TMBIM6: variants seen among roughly 807,000 people sequenced by gnomAD.
TMBIM6 encodes the protein transmembrane BAX inhibitor motif containing 6, also known as bax inhibitor 1.
A neutral mutation model predicts 31.4 loss-of-function variants in TMBIM6; 13 were observed. That is an observed-to-expected ratio of 0.41 (90% CI 0.27 to 0.66). The LOEUF (loss-of-function observed/expected upper bound fraction) is 0.66. Ranked by LOEUF, TMBIM6 falls within the 30% of genes least tolerant of loss-of-function variation. TMBIM6 has a pLI of 0.28. For missense variants in TMBIM6, 275 were observed against 289.5 expected (o/e 0.95, Z 0.36); for synonymous variants, 85 against 101.7 (o/e 0.84, Z 0.99).
In TMBIM6 at chr12:49,762,900, G is replaced by C; in HGVS notation, c.*4G>C. Reference sequence around the variant, plus strand: ...TAAGAAGAAAGAGAAGAAATGAAGTGACCATCCAGCCTTTCCCAATTAGAC... The same window carrying C: ...TAAGAAGAAAGAGAAGAAATGAAGTCACCATCCAGCCTTTCCCAATTAGAC... On this transcript the variant is annotated 3_prime_UTR_variant, in exon 10 of 10. Coordinates refer to ENST00000267115, the MANE Select transcript of TMBIM6 (RefSeq NM_003217.3). The C allele has an allele frequency of 6.2e-7, 1 of 1,612,512 alleles. No homozygotes were observed. Among genetic ancestry groups the C allele is most frequent in the Non-Finnish European group, 8.5e-7 (1 of 1,178,772 alleles).
intron 4 of TMBIM6, 71 bp downstream of exon 4, chr12:49,755,826 C>G (rs569386546): frequency 7.6e-5 from 115 of 1,522,926 alleles, no homozygotes; most frequent in African/African-American, 6.1e-4. Flanking sequence ...AGTTCCCCCC[C>G]CTTTTTTTTT....
At chr12:49,748,053 G>A (rs375773050) in intron 1 of TMBIM6, among the ~76,000 whole-genome samples, 51 of 152,126 alleles carry the variant, frequency 3.4e-4, no homozygotes, top group African/African-American at 1.1e-3. Context: ...ATAGGTGCCC[G>A]CCATCACGCC....
chr12:49,756,189 G>A (rs527537387), intron 4 of TMBIM6, among the ~76,000 whole-genome samples: 1 of 152,064 alleles, frequency 6.6e-6, no homozygotes, highest in African/African-American at 2.4e-5. Flanking sequence ...GCTAGAGAGT[G>A]CAGTGGCGTG....
At chr12:49,756,743 T>G (rs982029063) in intron 4 of TMBIM6, among the ~76,000 whole-genome samples, 14 of 126,770 alleles carry the variant, frequency 1.1e-4, no homozygotes, top group African/African-American at 3.6e-4. Context: ...TGTTTTTTTG[T>G]TTTTTTTTTT....
chr12:49,744,073 A>T (rs1215154717), intron 1 of TMBIM6, among the ~76,000 whole-genome samples: 1 of 152,202 alleles, frequency 6.6e-6, no homozygotes, highest in African/African-American at 2.4e-5. Flanking sequence ...TGCCACTATT[A>T]CATTGCCTTT....
At chr12:49,742,474 C>T in intron 1 of TMBIM6, 1 of 671,310 alleles carries the variant, frequency 1.5e-6, no homozygotes, top group South Asian at 2.7e-5. Context: ...TGCTTGGGGT[C>T]ATCAGCCTTT....
At chr12:49,747,930 G>A (rs1945425846) in intron 1 of TMBIM6, among the ~76,000 whole-genome samples, 1 of 152,086 alleles carries the variant, frequency 6.6e-6, no homozygotes, top group Non-Finnish European at 1.5e-5. Context: ...TTTACACGTA[G>A]TCTCGCACTG....
chr12:49,758,410 G>A lies in TMBIM6; in HGVS notation c.363G>A (p.Thr121=), dbSNP rs4563. 0.12 allele frequency: 190,883 copies of A among 1,613,822 alleles called. 17,134 individuals carry two copies. Among genetic ancestry groups the A allele is most frequent in the African/African-American group, 0.49 (36,843 of 74,902 alleles). The change falls in exon 6 of 10, where the codon ACG becomes ACA. Residue 121 remains threonine (T), a synonymous_variant. Coordinates refer to ENST00000267115, the MANE Select transcript of TMBIM6 (RefSeq NM_003217.3). ...TCCTTCCCACTGCTTTCATGGGCAC[G>A]GCAATGATCTTTACCTGCTTCACCC... ...PSILPTAFMG[T]AMIFTCFTLS...
chr12:49,764,139 C>G lies in TMBIM6; in HGVS notation c.*1243C>G, dbSNP rs550446144. The G allele has an allele frequency of 1.3e-5, 2 of 152,178 alleles. No individual in the cohort carries two copies. Among genetic ancestry groups the G allele is most frequent in the Non-Finnish European group, 2.9e-5 (2 of 68,050 alleles). 9.4% of individuals were successfully genotyped at this position (152,178 alleles called of 1,614,324 possible). On this transcript the variant is annotated 3_prime_UTR_variant, in exon 10 of 10. Transcript: ENST00000267115. ...AAACCAGTGAGAGCCCCAATCCCTG[C>G]AGTTTTGTGGCTTCAAGTGTGGGTG...
intron 4 of TMBIM6, among the ~76,000 whole-genome samples, chr12:49,756,209 C>A (rs1355904884): frequency 6.6e-6 from 1 of 152,006 alleles, no homozygotes; most frequent in African/African-American, 2.4e-5. Context: ...GATCTTGGCT[C>A]ACTGCAAACT....
chr12:49,750,304 G>A (rs1394960770), intron 1 of TMBIM6, among the ~76,000 whole-genome samples: 2 of 152,136 alleles, frequency 1.3e-5, no homozygotes, highest in Admixed American at 6.5e-5. Flanking sequence ...GATCCACCCC[G>A]CTCCATCCCT....
intron 1 of TMBIM6, among the ~76,000 whole-genome samples, chr12:49,748,204 T>G (rs1229156199): frequency 6.7e-6 from 1 of 148,734 alleles, no homozygotes; most frequent in East Asian, 2.0e-4. Flanking sequence ...ACCCAGCCTG[T>G]TTTTTTTTTG....
chr12:49,759,065 G>A (rs1204292938), intron 7 of TMBIM6, 156 bp from the exon 8 acceptor site: 2 of 664,580 alleles, frequency 3.0e-6, no homozygotes, highest in African/African-American at 3.6e-5. Flanking sequence ...GGGAAGTAAA[G>A]TGGTCTTCAC....
chr12:49,752,984 C>T lies in TMBIM6; in HGVS notation c.68C>T (p.Thr23Met), dbSNP rs752508710. 3 of 1,613,710 alleles carry T rather than the reference C, an allele frequency of 1.9e-6. No homozygotes were observed. The highest frequency in any genetic ancestry group is 1.3e-5 in the African/African-American group (1 of 74,880). ...LLKFSHITPS[T>M]QQHLKKVYAS... ...CATTCTTTTCTTAGAACCCCGTCAA[C>T]GCAGCAGCACCTGAAGAAGGTCTAT... The change falls in exon 3 of 10, where the codon ACG (threonine) becomes ATG (methionine). Residue 23 changes from threonine (T) to methionine (M), a missense_variant. Thr to Met is a moderately conservative substitution (Grantham distance 81). Transcript: ENST00000267115.
At chr12:49,757,056 G>C (rs7976021) in intron 4 of TMBIM6, among the ~76,000 whole-genome samples, 2 of 151,890 alleles carry the variant, frequency 1.3e-5, no homozygotes, top group Non-Finnish European at 2.9e-5. Flanking sequence ...TAGTAGAGAC[G>C]GGGTTTCACC....
intron 4 of TMBIM6, among the ~76,000 whole-genome samples, chr12:49,756,426 A>G (rs1369249950): frequency 7.7e-6 from 1 of 130,042 alleles, no homozygotes; most frequent in Non-Finnish European, 1.6e-5. Context: ...GAGCCATAGT[A>G]CCCTGCCTCC....
intron 1 of TMBIM6, among the ~76,000 whole-genome samples, chr12:49,748,291 A>C (rs1945434044): frequency 6.6e-6 from 1 of 151,902 alleles, no homozygotes; most frequent in East Asian, 1.9e-4. Flanking sequence ...GGTAAGGGAG[A>C]TACCTAGAAC....
intron 4 of TMBIM6, among the ~76,000 whole-genome samples, chr12:49,756,355 T>C (rs1300782175): frequency 6.6e-6 from 1 of 151,272 alleles, no homozygotes; most frequent in East Asian, 1.9e-4. Flanking sequence ...AGGATGGTGT[T>C]GATCTCTTGA....
chr12:49,764,314 G>T lies in TMBIM6; in HGVS notation c.*1418G>T, dbSNP rs563941758. 1 of 152,208 alleles carries T rather than the reference G, an allele frequency of 6.6e-6. No homozygotes were observed. The highest frequency in any genetic ancestry group is 2.4e-5 in the African/African-American group (1 of 41,442). 9.4% of individuals were successfully genotyped at this position (152,208 alleles called of 1,614,324 possible). On this transcript the variant is annotated 3_prime_UTR_variant, in exon 10 of 10. Coordinates refer to ENST00000267115, the MANE Select transcript of TMBIM6 (RefSeq NM_003217.3). ...TCGAGCCATTGAAAGCTCATTACCA[G>T]TAGGACATAATTTTTGGCTCTCCCT... is the stretch of plus-strand genomic sequence containing the variant.
Sources: gnomAD v4.1 joint callset for allele counts (sites outside exome capture counted in the v4.1 genomes callset) on GRCh38, gnomAD v4.1.1 for gene constraint, MANE v1.5 for transcripts, NCBI Gene and HGNC (gene_info 2026-07-23, HGNC 2026-07-21) for gene names.